KANSL1: variants seen among roughly 807,000 people sequenced by gnomAD.
KANSL1 encodes the protein KAT8 regulatory NSL complex subunit 1.
Under a neutral mutation model 103.6 loss-of-function variants are expected in KANSL1, and 22 were observed. The observed-to-expected ratio is 0.21, with a 90% confidence interval of 0.15 to 0.30. KANSL1 has a LOEUF of 0.30. Ranked by LOEUF, KANSL1 falls within the 10% of genes least tolerant of loss-of-function variation. KANSL1 has a pLI of 1.00. For synonymous variants in KANSL1, 600 were observed against 527.6 expected (o/e 1.14, Z -1.88); for missense variants, 1,337 against 1,399.8 (o/e 0.96, Z 0.72).
chr17:46,102,142 A>G (rs2042348800), intron 2 of KANSL1, among the ~76,000 whole-genome samples: 1 of 152,380 alleles, frequency 6.6e-6, no homozygotes. Context: ...AAACCCAGGA[A>G]AAAACTCGGA....
chr17:46,046,154 A>G (rs546767938), intron 7 of KANSL1: 2 of 152,342 alleles, frequency 1.3e-5, no homozygotes, highest in Non-Finnish European at 2.9e-5. Flanking sequence ...CTGTGAAGGC[A>G]TTCAAACCCA....
upstream of KANSL1, chr17:46,194,015 C>T: frequency 6.5e-6 from 1 of 154,378 alleles, no homozygotes; most frequent in Non-Finnish European, 1.4e-5. Context: ...CGGCTGGGCA[C>T]TAGCCCCAGC....
intron 4 of KANSL1, among the ~76,000 whole-genome samples, chr17:46,070,680 C>T (rs2146696191): frequency 6.6e-6 from 1 of 152,022 alleles, no homozygotes; most frequent in South Asian, 2.1e-4. Flanking sequence ...TAGAAAAATG[C>T]TGTTTAAAAA....
At chr17:46,169,167 G>A (rs116274983) in intron 2 of KANSL1, among the ~76,000 whole-genome samples, 5 of 152,284 alleles carry the variant, frequency 3.3e-5, no homozygotes, top group Admixed American at 6.5e-5. Flanking sequence ...TTTTTAAAGC[G>A]GTGATTTAAA....
intron 1 of KANSL1, among the ~76,000 whole-genome samples, chr17:46,185,169 T>C (rs2046961584): frequency 3.3e-5 from 5 of 152,206 alleles, no homozygotes; most frequent in African/African-American, 1.2e-4. Context: ...GCTTGTTTTA[T>C]CTCTGTCCCC....
intron 4 of KANSL1, among the ~76,000 whole-genome samples, chr17:46,068,424 G>A (rs1220378088): frequency 5.3e-5 from 8 of 152,052 alleles, no homozygotes; most frequent in Admixed American, 1.3e-4. Context: ...AAAATTAGCC[G>A]GGCATGGTGG....
At chr17:46,203,914 G>A (rs978264591) in intron 1 of KANSL1, among the ~76,000 whole-genome samples, 18 of 152,338 alleles carry the variant, frequency 1.2e-4, no homozygotes, top group African/African-American at 4.3e-4. Flanking sequence ...GGTGGCATGT[G>A]CCTGTAATCC....
chr17:46,138,185 G>T (rs1597771516), intron 2 of KANSL1, among the ~76,000 whole-genome samples: 1 of 152,192 alleles, frequency 6.6e-6, no homozygotes, highest in East Asian at 1.9e-4. Flanking sequence ...AACTTTCTGA[G>T]TGTCAACATG....
intron 6 of KANSL1, among the ~76,000 whole-genome samples, chr17:46,054,801 A>G (rs538221104): frequency 6.6e-6 from 1 of 151,308 alleles, no homozygotes; most frequent in African/African-American, 2.4e-5. Context: ...CACTAATTCC[A>G]TGGTCATTCT....
intron 2 of KANSL1, among the ~76,000 whole-genome samples, chr17:46,110,597 C>A (rs767220281): frequency 6.6e-6 from 1 of 152,122 alleles, no homozygotes; most frequent in South Asian, 2.1e-4. Flanking sequence ...TCAATTTTCT[C>A]AAAAATAAGT....
chr17:46,141,190 T>G (rs1281371822), intron 2 of KANSL1, among the ~76,000 whole-genome samples: 1 of 152,256 alleles, frequency 6.6e-6, no homozygotes, highest in African/African-American at 2.4e-5. Context: ...TCTGGTTCTT[T>G]GAACTGAAAA....
chr17:46,106,303 G>C (rs2042563601), intron 2 of KANSL1, among the ~76,000 whole-genome samples: 1 of 152,184 alleles, frequency 6.6e-6, no homozygotes, highest in Non-Finnish European at 1.5e-5. Context: ...GTAAGTCTAA[G>C]AATTGCCTGA....
intron 3 of KANSL1, chr17:46,093,862 G>A (rs953412283): frequency 1.3e-5 from 2 of 152,234 alleles, no homozygotes; most frequent in Admixed American, 1.3e-4. Flanking sequence ...TGAGAACACT[G>A]CTGAGACACA....
intron 3 of KANSL1, among the ~76,000 whole-genome samples, chr17:46,086,391 G>A (rs2079165713): frequency 6.6e-6 from 1 of 152,088 alleles, no homozygotes; most frequent in South Asian, 2.1e-4. Context: ...GCAGAACTGG[G>A]GCAAAAGTCT....
At chr17:46,115,707 T>C (rs1260977880) in intron 2 of KANSL1, among the ~76,000 whole-genome samples, 1 of 152,224 alleles carries the variant, frequency 6.6e-6, no homozygotes, top group East Asian at 1.9e-4. Context: ...GCTTAAACAA[T>C]CCAACAACTT....
chr17:46,109,003 C>A (rs939480647), intron 2 of KANSL1, among the ~76,000 whole-genome samples: 7 of 152,202 alleles, frequency 4.6e-5, no homozygotes, highest in Admixed American at 6.5e-5. Context: ...GGCTGAAGGG[C>A]AGTGATGCAA....
At chr17:46,140,506 T>G (rs766686522) in intron 2 of KANSL1, among the ~76,000 whole-genome samples, 24 of 151,844 alleles carry the variant, frequency 1.6e-4, no homozygotes, top group Admixed American at 5.2e-4. Flanking sequence ...TTTCTTATGC[T>G]GTGACACAAA....
At position 46,034,491 on chromosome 17, in the gene KANSL1, A is replaced by C. The variant is rs551559687; in HGVS notation, c.2542-206T>G. On this transcript the variant is annotated intron_variant, in intron 10 of 14. Coordinates refer to ENST00000432791, the MANE Select transcript of KANSL1 (RefSeq NM_015443.4). ...GGAGAAATACCAGGTGGTCATGAGG[A>C]GTTAGTCCCATTCATAAGTCCCACT... 20 of 502,200 alleles carry C rather than the reference A, an allele frequency of 4.0e-5. No individual in the cohort carries two copies. In the Admixed American group the frequency reaches 4.3e-4, roughly 11 times the overall value. 31.1% of individuals were successfully genotyped at this position (502,200 alleles called of 1,614,324 possible). A position where few individuals can be genotyped will look rare whatever the true frequency, so the allele number is the denominator to read the frequency against.
chr17:46,042,914 T>G (rs1305287086), intron 7 of KANSL1: 2 of 146,228 alleles, frequency 1.4e-5, no homozygotes, highest in Non-Finnish European at 3.0e-5. Flanking sequence ...AAAGTTTTAA[T>G]GAAAACAAAC....
Sources: allele counts gnomAD v4.1 joint callset (sites outside exome capture counted in the v4.1 genomes callset), GRCh38; gene constraint gnomAD v4.1.1; transcripts MANE v1.5; gene names NCBI Gene and HGNC (gene_info 2026-07-23, HGNC 2026-07-21).